Variants in STEAP4 observed in about 807,000 individuals in gnomAD.
The protein encoded by STEAP4 is STEAP4 metalloreductase.
STEAP4 carries 36 observed loss-of-function variants against 43.6 expected under a neutral mutation model. That is an observed-to-expected ratio of 0.83 (90% CI 0.63 to 1.09). The LOEUF is 1.09. Among genes scored for constraint, STEAP4 ranks in the 50% least tolerant of loss-of-function variants. STEAP4 has a pLI of 0.00. For missense variants in STEAP4, 495 were observed against 546.5 expected (o/e 0.91, Z 0.94); for synonymous variants, 191 against 196.7 (o/e 0.97, Z 0.24).
At chr7:88,286,935 A>G (rs1852746909) in intron 1 of STEAP4, among the ~76,000 whole-genome samples, 1 of 152,198 alleles carries the variant, frequency 6.6e-6, no homozygotes, top group Non-Finnish European at 1.5e-5. Flanking sequence ...ATGGGGCTAC[A>G]GACAGACACT....
chr7:88,282,409 A>G lies in STEAP4; in HGVS notation c.984+232T>C. ...TGATTCACCTGCCTCGGAATCCCAA[A>G]GTGCTGGGATTATGGGAGTGAGCCA... On this transcript the variant is annotated intron_variant, in intron 3 of 4. Coordinates refer to ENST00000380079, the MANE Select transcript of STEAP4 (RefSeq NM_024636.4). The G allele has an allele frequency of 7.7e-6, 4 of 520,202 alleles. No individual in the cohort carries two copies. In the East Asian group the frequency reaches 1.2e-4, roughly 16 times the overall value. 32.2% of individuals were successfully genotyped at this position (520,202 alleles called of 1,614,324 possible). A position where few individuals can be genotyped will look rare whatever the true frequency, so the allele number is the denominator to read the frequency against.
chr7:88,282,531 A>T lies in STEAP4; in HGVS notation c.984+110T>A. On this transcript the variant is annotated intron_variant, in intron 3 of 4. Coordinates refer to ENST00000380079, the MANE Select transcript of STEAP4 (RefSeq NM_024636.4). ...TGACATTTCTAATTCTAGTTACTTTAAAAAAGAAGATGCTTAGAAGAGTGA... is the reference window on the plus strand; with the variant it reads ...TGACATTTCTAATTCTAGTTACTTTTAAAAAGAAGATGCTTAGAAGAGTGA... 3.8e-6 allele frequency: 4 copies of T among 1,057,682 alleles called. No homozygotes were observed. In the South Asian group the frequency reaches 6.8e-5, roughly 18 times the overall value. The allele number at this position is 1,057,682 out of a possible 1,614,324, so 65.5% of individuals were successfully genotyped here. A position where few individuals can be genotyped will look rare whatever the true frequency, so the allele number is the denominator to read the frequency against.
Position 88,279,329 on chromosome 7 carries a change from A to G in STEAP4, c.*69T>C. 1.4e-6 allele frequency: 2 copies of G among 1,479,440 alleles called. No homozygotes were observed. Among genetic ancestry groups the G allele is most frequent in the Non-Finnish European group, 1.9e-6 (2 of 1,069,724 alleles). 91.6% of individuals were successfully genotyped at this position (1,479,440 alleles called of 1,614,324 possible). On this transcript the variant is annotated 3_prime_UTR_variant, in exon 5 of 5. Transcript: ENST00000380079. ...CCATCATTCTTCTTTAAACATTCAA[A>G]ACCATAGTTCAGAAATCCAGCTAAA...
At chr7:88,280,566 C>A (rs1852600981) in intron 4 of STEAP4, among the ~76,000 whole-genome samples, 1 of 152,188 alleles carries the variant, frequency 6.6e-6, no homozygotes, top group South Asian at 2.1e-4. Context: ...TCAAATCTTG[C>A]TGTGAAGATT....
intron 1 of STEAP4, among the ~76,000 whole-genome samples, chr7:88,285,882 A>T (rs1475781187): frequency 6.6e-6 from 1 of 152,210 alleles, no homozygotes; most frequent in South Asian, 2.1e-4. Context: ...TCTCAGGTCA[A>T]TGAGAAAACA....
chr7:88,289,930 A>C lies in STEAP4; in HGVS notation c.-2-5659T>G, dbSNP rs140546242. Among the ~76,000 whole-genome samples the C allele has an allele frequency of 1.1e-3, 163 of 152,282 alleles. 1 individual carries two copies. The highest frequency in any genetic ancestry group is 3.6e-3 in the African/African-American group (151 of 41,554). On this transcript the variant is annotated intron_variant, in intron 1 of 4. Coordinates refer to ENST00000380079, the MANE Select transcript of STEAP4 (RefSeq NM_024636.4). ...CTAGTTTTATAAATCAAACCTTCAA[A>C]CTGCTGAACAATGCCTTCATTATTC...
At position 88,305,642 on chromosome 7, in the gene STEAP4, C is replaced by T. The variant is rs751307211; in HGVS notation, c.-3+1150G>A. 6.6e-5 allele frequency among the ~76,000 whole-genome samples: 10 copies of T among 152,210 alleles called. No individual in the cohort carries two copies. The South Asian group carries it at 1.2e-3, about 19-fold the overall frequency. Reference sequence around the variant, plus strand: ...CTCCTGTGGGAAGAGACTCTTCCCCCGACAACTGGAGAGTTTCCTTATAAA... The same window carrying T: ...CTCCTGTGGGAAGAGACTCTTCCCCTGACAACTGGAGAGTTTCCTTATAAA... On this transcript the variant is annotated intron_variant, in intron 1 of 4. Coordinates refer to ENST00000380079, the MANE Select transcript of STEAP4 (RefSeq NM_024636.4).
intron 1 of STEAP4, among the ~76,000 whole-genome samples, chr7:88,299,090 A>ACT (rs140141379): frequency 0.15 from 23,429 of 152,164 alleles, 1,985 homozygotes; most frequent in Non-Finnish European, 0.2. Flanking sequence ...TTTTACTAAC[A>ACT]CTATAAATTA....
At chr7:88,280,883 T>C in intron 4 of STEAP4, 32 bp downstream of exon 4, 1 of 1,507,678 alleles carries the variant, frequency 6.6e-7, no homozygotes, top group Non-Finnish European at 8.9e-7. Flanking sequence ...TGGAGCAAAA[T>C]GAAAAGTTAG....
Position 88,277,289 on chromosome 7 carries a change from G to A in STEAP4, c.*2109C>T, listed in dbSNP as rs910931841. On this transcript the variant is annotated 3_prime_UTR_variant, in exon 5 of 5. Transcript: ENST00000380079. ...CCTTGCTTGGGTTTATCAAAGATAAGTTGAAGGAGCGTGTGTTCTGTGTAC... is the reference window on the plus strand; with the variant it reads ...CCTTGCTTGGGTTTATCAAAGATAAATTGAAGGAGCGTGTGTTCTGTGTAC... 1 of 152,184 alleles carries A rather than the reference G, an allele frequency of 6.6e-6. No homozygotes were observed. Among genetic ancestry groups the A allele is most frequent in the Admixed American group, 6.5e-5 (1 of 15,282 alleles). 9.4% of individuals were successfully genotyped at this position (152,184 alleles called of 1,614,324 possible).
At chr7:88,294,128 C>A (rs908628499) in intron 1 of STEAP4, among the ~76,000 whole-genome samples, 6 of 151,030 alleles carry the variant, frequency 4.0e-5, no homozygotes, top group African/African-American at 1.5e-4. Flanking sequence ...GTTAAGCATC[C>A]CTAACCCAAA....
intron 1 of STEAP4, among the ~76,000 whole-genome samples, chr7:88,300,250 C>T (rs938686109): frequency 3.9e-5 from 6 of 152,146 alleles, no homozygotes; most frequent in African/African-American, 9.7e-5. Context: ...GCTCTGTCGC[C>T]GAAGCTGGAG....
chr7:88,277,285 A>G lies in STEAP4; in HGVS notation c.*2113T>C, dbSNP rs1356482984. ...GTATCCTTGCTTGGGTTTATCAAAG[A>G]TAAGTTGAAGGAGCGTGTGTTCTGT... On this transcript the variant is annotated 3_prime_UTR_variant, in exon 5 of 5. Coordinates refer to ENST00000380079, the MANE Select transcript of STEAP4 (RefSeq NM_024636.4). The G allele has an allele frequency of 6.6e-6, 1 of 152,194 alleles. No homozygotes were observed. The highest frequency in any genetic ancestry group is 1.5e-5 in the Non-Finnish European group (1 of 68,042). 9.4% of individuals were successfully genotyped at this position (152,194 alleles called of 1,614,324 possible). A position where few individuals can be genotyped will look rare whatever the true frequency, so the allele number is the denominator to read the frequency against.
chr7:88,285,418 A>G (rs1852713353), intron 1 of STEAP4, among the ~76,000 whole-genome samples: 1 of 152,326 alleles, frequency 6.6e-6, no homozygotes, highest in South Asian at 2.1e-4. Context: ...CCCTAATTCT[A>G]TAAATTCTGA....
At position 88,281,010 on chromosome 7, in the gene STEAP4, C is replaced by G. The variant is rs751225103; in HGVS notation, c.1054G>C (p.Gly352Arg). The G allele has an allele frequency of 6.2e-7, 1 of 1,613,154 alleles. No homozygotes were observed. The highest frequency in any genetic ancestry group is 8.5e-7 in the Non-Finnish European group (1 of 1,179,672). ...AWLSDSYVAL[G>R]ILGFFLFVLL... ...ACAAACAGAAAAAACCCAAGTATTCCCAAAGCCACATATGAATCACTGAGC... is the reference window on the plus strand; with the variant it reads ...ACAAACAGAAAAAACCCAAGTATTCGCAAAGCCACATATGAATCACTGAGC... Residue 352 changes from glycine to arginine, a missense_variant, in exon 4 of 5, where the codon GGA (glycine) becomes CGA (arginine). By Grantham distance (125) the Gly-to-Arg change is moderately radical (BLOSUM62 -2). Coordinates refer to ENST00000380079, the MANE Select transcript of STEAP4 (RefSeq NM_024636.4).
At chr7:88,299,226 G>A (rs1182810258) in intron 1 of STEAP4, among the ~76,000 whole-genome samples, 1 of 152,126 alleles carries the variant, frequency 6.6e-6, no homozygotes, top group African/African-American at 2.4e-5. Context: ...ATTAATACAT[G>A]TTGCCACATT....
Position 88,272,196 on chromosome 7 carries a change from A to G in STEAP4, c.*7202T>C, listed in dbSNP as rs1223456828. The G allele has an allele frequency of 1.3e-5, 2 of 152,204 alleles. No homozygotes were observed. Among genetic ancestry groups the G allele is most frequent in the African/African-American group, 4.8e-5 (2 of 41,452 alleles). The allele number at this position is 152,204 out of a possible 1,614,324, so 9.4% of individuals were successfully genotyped here. The stretch of plus-strand genomic sequence containing the variant: ...GCCACAAAGTTAATGTCTTGGAAGC[A>G]TCTGTATTCCAATGTTAAGCAAGGA... On this transcript the variant is annotated 3_prime_UTR_variant, in exon 5 of 5. Transcript: ENST00000380079.
chr7:88,283,037 T>G lies in STEAP4; in HGVS notation c.588A>C (p.Leu196=). Residue 196 remains leucine, a synonymous_variant, in exon 3 of 5, where the codon CTA becomes CTC. Coordinates refer to ENST00000380079, the MANE Select transcript of STEAP4 (RefSeq NM_024636.4). ...AKEIEKYPLQ[L]FPMWRFPFYL... ...AGAAGGGGAACCTCCACATTGGAAA[T>G]AGCTGCAGGGGGTACTTTTCAATTT... 1 of 1,613,666 alleles carries G rather than the reference T, an allele frequency of 6.2e-7. No individual in the cohort carries two copies. The highest frequency in any genetic ancestry group is 8.5e-7 in the Non-Finnish European group (1 of 1,179,852).
Position 88,272,452 on chromosome 7 carries a change from G to T in STEAP4, c.*6946C>A, listed in dbSNP as rs746753065. On this transcript the variant is annotated 3_prime_UTR_variant, in exon 5 of 5. Coordinates refer to ENST00000380079, the MANE Select transcript of STEAP4 (RefSeq NM_024636.4). ...ACTTCCAGTATAAACTCTTTTACAAGAAGCCTTGCCTCAGGATCGGTTTTT... is the reference window on the plus strand; with the variant it reads ...ACTTCCAGTATAAACTCTTTTACAATAAGCCTTGCCTCAGGATCGGTTTTT... The T allele has an allele frequency of 2.6e-5, 4 of 152,096 alleles. No homozygotes were observed. The highest frequency in any genetic ancestry group is 4.4e-5 in the Non-Finnish European group (3 of 68,038). 9.4% of individuals were successfully genotyped at this position (152,096 alleles called of 1,614,324 possible).
Sources: allele counts gnomAD v4.1 joint callset (sites outside exome capture counted in the v4.1 genomes callset), GRCh38; gene constraint gnomAD v4.1.1; transcripts MANE v1.5; gene names NCBI Gene and HGNC (gene_info 2026-07-23, HGNC 2026-07-21).